Variants in MAGI1 observed in about 807,000 individuals in gnomAD.
MAGI1 encodes the protein membrane associated guanylate kinase, WW and PDZ domain containing 1, also known as membrane-associated guanylate kinase, WW and PDZ domain-containing protein 1.
Under a neutral mutation model 139.9 loss-of-function variants are expected in MAGI1, and 58 were observed. The observed-to-expected ratio is 0.41, with a 90% CI of 0.34 to 0.52. The LOEUF (loss-of-function observed/expected upper bound fraction) is 0.52, where lower values mean the gene tolerates loss of function less well. Among genes scored for constraint, MAGI1 ranks in the 20% least tolerant of loss-of-function variants. The pLI is 0.12. For missense variants in MAGI1, 1,874 were observed against 1,901.6 expected (o/e 0.99, Z 0.27); for synonymous variants, 812 against 737.9 (o/e 1.10, Z -1.63).
At chr3:65,866,812 A>G (rs2059745996) in intron 1 of MAGI1, among the ~76,000 whole-genome samples, 1 of 152,102 alleles carries the variant, frequency 6.6e-6, no homozygotes, top group Admixed American at 6.6e-5. Flanking sequence ...ACAAACAAAC[A>G]TAACTTGTGG....
At chr3:65,812,468 T>TCACA (rs1553711393) in intron 1 of MAGI1, among the ~76,000 whole-genome samples, 17 of 89,166 alleles carry the variant, frequency 1.9e-4, no homozygotes, top group African/African-American at 2.9e-4. Context: ...TCTCTCTCTC[T>TCACA]CACACACACA....
intron 1 of MAGI1, among the ~76,000 whole-genome samples, chr3:65,661,246 C>A (rs6780545): frequency 0.28 from 42,165 of 151,920 alleles, 6,495 homozygotes; most frequent in East Asian, 0.38. Context: ...GGGAGAAAAG[C>A]AAATGTCAGG....
At chr3:65,754,928 T>G (rs968774826) in intron 1 of MAGI1, among the ~76,000 whole-genome samples, 4 of 151,876 alleles carry the variant, frequency 2.6e-5, no homozygotes, top group Non-Finnish European at 4.4e-5. Context: ...ACACCACAAA[T>G]AGTATATTTA....
At chr3:65,954,856 C>T (rs924302127) in intron 1 of MAGI1, among the ~76,000 whole-genome samples, 1 of 152,154 alleles carries the variant, frequency 6.6e-6, no homozygotes, top group Non-Finnish European at 1.5e-5. Context: ...TGAGGAAGTG[C>T]CAGGTAAGGG....
In MAGI1 at chr3:65,628,358, T is replaced by C. The variant is rs182561953; in HGVS notation, c.314-6270A>G. The stretch of plus-strand genomic sequence containing the variant: ...GCTATGGTTTATTCCAGCAAAAAGA[T>C]ACAAAGTAAAATCAGCAAAGGAAAA... On this transcript the variant is annotated intron_variant, in intron 1 of 22. Coordinates refer to ENST00000402939, the MANE Select transcript of MAGI1 (RefSeq NM_001033057.2). Among the ~76,000 whole-genome samples the C allele has an allele frequency of 8.6e-5, 13 of 151,162 alleles. No individual in the cohort carries two copies. The East Asian group carries it at 2.5e-3, about 29-fold the overall frequency.
chr3:65,812,468 T>TCACACACACACA (rs1553711393), intron 1 of MAGI1, among the ~76,000 whole-genome samples: 19 of 89,140 alleles, frequency 2.1e-4, no homozygotes, highest in East Asian at 5.7e-4. Flanking sequence ...TCTCTCTCTC[T>TCACACACACACA]CACACACACA....
chr3:65,981,688 T>C (rs950558275), intron 1 of MAGI1, among the ~76,000 whole-genome samples: 1 of 152,152 alleles, frequency 6.6e-6, no homozygotes, highest in Non-Finnish European at 1.5e-5. Context: ...GTTTCCCCCA[T>C]ATTGCTCTGG....
At position 65,493,600 on chromosome 3, in the gene MAGI1, C is replaced by T. The variant is rs776582325; in HGVS notation, c.462G>A (p.Val154=). ...CTTRSPREGE[V]PGVDYNFLTV... ...TCAGAAAGTTATAGTCCACGCCAGG[C>T]ACTTCTCCTTCTCTGGGAGATCGGG... The change falls in exon 3 of 23, where the codon GTG becomes GTA. Residue 154 remains valine, a synonymous_variant. Coordinates refer to ENST00000402939, the MANE Select transcript of MAGI1 (RefSeq NM_001033057.2). 1 of 1,614,174 alleles carries T rather than the reference C, an allele frequency of 6.2e-7. No homozygotes were observed. Among genetic ancestry groups the T allele is most frequent in the Admixed American group, 1.7e-5 (1 of 60,024 alleles).
intron 1 of MAGI1, among the ~76,000 whole-genome samples, chr3:65,722,988 C>G (rs1299614036): frequency 3.3e-5 from 5 of 150,142 alleles, no homozygotes; most frequent in African/African-American, 4.9e-5. Context: ...AAAAAAAAGT[C>G]ACAAATGAGA....
chr3:65,983,446 A>G (rs1437676800), intron 1 of MAGI1, among the ~76,000 whole-genome samples: 4 of 152,168 alleles, frequency 2.6e-5, no homozygotes, highest in Admixed American at 2.0e-4. Context: ...TCAACTCTGG[A>G]CTTTTCTGTC....
At chr3:65,911,674 T>C (rs2061675702) in intron 1 of MAGI1, among the ~76,000 whole-genome samples, 1 of 152,196 alleles carries the variant, frequency 6.6e-6, no homozygotes, top group African/African-American at 2.4e-5. Context: ...ATAACCGCTC[T>C]CTCTTCAAAA....
chr3:65,991,288 T>TA (rs58070855), intron 1 of MAGI1, among the ~76,000 whole-genome samples: 43 of 85,980 alleles, frequency 5.0e-4, no homozygotes, highest in African/African-American at 1.7e-3. Context: ...AGACTCTGTC[T>TA]AAAAAAAAAA....
intron 6 of MAGI1, among the ~76,000 whole-genome samples, chr3:65,450,159 T>C (rs933530760): frequency 6.6e-6 from 1 of 152,002 alleles, no homozygotes; most frequent in African/African-American, 2.4e-5. Flanking sequence ...AGCAGAGAAA[T>C]AGTGTGAGAA....
Position 65,470,445 on chromosome 3 carries a change from G to A in MAGI1, c.797C>T (p.Thr266Ile), listed in dbSNP as rs1468838685. 6.2e-7 allele frequency: 1 copy of A among 1,612,686 alleles called. No individual in the cohort carries two copies. The highest frequency in any genetic ancestry group is 8.5e-7 in the Non-Finnish European group (1 of 1,179,762). ...GCTACTATTCACAGGTGGTAATGCT[G>A]TTTCTTGGAGAGTGTGCTCCTCTTG... Reference protein sequence around the residue: ...GEQEEHTLQETALPPVNSSII... With the variant: ...GEQEEHTLQEIALPPVNSSII... The change falls in exon 5 of 23, where the codon ACA becomes ATA. Residue 266 changes from threonine (T) to isoleucine (I), a missense_variant. By Grantham distance (89) the Thr-to-Ile change is moderately conservative. Coordinates refer to ENST00000402939, the MANE Select transcript of MAGI1 (RefSeq NM_001033057.2).
intron 4 of MAGI1, among the ~76,000 whole-genome samples, chr3:65,478,385 T>C (rs780013293): frequency 3.3e-5 from 5 of 152,146 alleles, no homozygotes; most frequent in Non-Finnish European, 7.3e-5. Context: ...GGTATTCTGA[T>C]GAAGTTAAAA....
chr3:65,832,903 C>T (rs2042603202), intron 1 of MAGI1, among the ~76,000 whole-genome samples: 1 of 152,130 alleles, frequency 6.6e-6, no homozygotes, highest in Non-Finnish European at 1.5e-5. Flanking sequence ...ACTGCTTTCA[C>T]CCAGTATATG....
intron 1 of MAGI1, among the ~76,000 whole-genome samples, chr3:65,634,368 TC>T (rs1038592183): frequency 6.6e-6 from 1 of 152,246 alleles, no homozygotes; most frequent in African/African-American, 2.4e-5. Flanking sequence ...CTGGGAAGTC[TC>T]CCAAAAGCAT....
intron 2 of MAGI1, among the ~76,000 whole-genome samples, chr3:65,512,573 C>T (rs1248506722): frequency 6.6e-6 from 1 of 152,118 alleles, no homozygotes; most frequent in Non-Finnish European, 1.5e-5. Context: ...GGATAAATTC[C>T]TCAACACATA....
chr3:65,800,029 A>G (rs1030181149), intron 1 of MAGI1, among the ~76,000 whole-genome samples: 7 of 152,198 alleles, frequency 4.6e-5, no homozygotes, highest in African/African-American at 1.7e-4. Context: ...CCGACTGCCT[A>G]ATTCCAAGTC....
Sources: gnomAD v4.1 joint callset for allele counts (sites outside exome capture counted in the v4.1 genomes callset) on GRCh38, gnomAD v4.1.1 for gene constraint, MANE v1.5 for transcripts, NCBI Gene and HGNC (gene_info 2026-07-23, HGNC 2026-07-21) for gene names.